The following NRG3 variants were observed in gnomAD, a reference collection of about 807,000 sequenced individuals.
The protein encoded by NRG3 is pro-neuregulin-3, membrane-bound isoform.
Under a neutral mutation model 66.9 loss-of-function variants are expected in NRG3, and 31 were observed. That is an observed-to-expected ratio of 0.46 (90% confidence interval 0.35 to 0.63). The LOEUF (loss-of-function observed/expected upper bound fraction) is 0.63, where lower values mean the gene tolerates loss of function less well. Ranked by LOEUF, NRG3 falls within the 20% of genes least tolerant of loss-of-function variation. NRG3 has a pLI of 0.00. For synonymous variants in NRG3, 393 were observed against 359.4 expected, an observed-to-expected ratio of 1.09 and a Z score of -1.06; for missense variants, 910 against 878.9, an observed-to-expected ratio of 1.04 and a Z score of -0.45.
intron 1 of NRG3, among the ~76,000 whole-genome samples, chr10:81,901,654 C>G (rs867653587): frequency 7.9e-5 from 12 of 152,164 alleles, no homozygotes; most frequent in Middle Eastern, 3.4e-3. Context: ...GGCAACAGAG[C>G]AAGACTCCAT....
intron 1 of NRG3, among the ~76,000 whole-genome samples, chr10:81,956,762 A>G (rs189124705): frequency 4.1e-4 from 62 of 152,204 alleles, no homozygotes; most frequent in African/African-American, 1.4e-3. Flanking sequence ...TCAAGTCCCT[A>G]TTTTACTTAA....
chr10:82,021,616 TAG>T (rs555533213), intron 1 of NRG3, among the ~76,000 whole-genome samples: 99 of 152,222 alleles, frequency 6.5e-4, no homozygotes, highest in Middle Eastern at 3.4e-3. Context: ...TCTGGAAGAA[TAG>T]AGAGTCTCAA....
chr10:82,926,656 C>T (rs532713444), intron 4 of NRG3, among the ~76,000 whole-genome samples: 2 of 152,274 alleles, frequency 1.3e-5, no homozygotes, highest in East Asian at 3.9e-4. Flanking sequence ...GTGTGTTAAG[C>T]TCATTTGATT....
chr10:82,762,644 A>T (rs531794502), intron 3 of NRG3, among the ~76,000 whole-genome samples: 24 of 152,318 alleles, frequency 1.6e-4, no homozygotes, highest in African/African-American at 5.3e-4. Context: ...ATTCTAAGGA[A>T]TGAATGAAAA....
intron 1 of NRG3, among the ~76,000 whole-genome samples, chr10:82,252,521 C>T (rs1245699998): frequency 1.3e-5 from 2 of 152,162 alleles, no homozygotes; most frequent in African/African-American, 4.8e-5. Context: ...GTATTTTTAG[C>T]ACTATATTAC....
rs531885066 is a variant in NRG3 at position 82,676,843 on chromosome 10, T to A, written c.954-61734T>A. The stretch of plus-strand genomic sequence containing the variant: ...TGATTTTTTTCTTTGAACGTTTTTT[T>A]TTCTATTGTAGTTTGGAGTTGCTTT... On this transcript the variant is annotated intron_variant, in intron 2 of 8. Transcript: ENST00000372141. Among the ~76,000 whole-genome samples the A allele has an allele frequency of 1.3e-4, 20 of 152,204 alleles. No homozygotes were observed. In the South Asian group the frequency reaches 4.1e-3, roughly 32 times the overall value.
chr10:82,519,018 G>GC (rs1845951458), intron 2 of NRG3, among the ~76,000 whole-genome samples: 1 of 152,250 alleles, frequency 6.6e-6, no homozygotes, highest in African/African-American at 2.4e-5. Flanking sequence ...TTCACCCCTG[G>GC]CCTGTGCAGC....
At chr10:82,612,587 T>C (rs2048382327) in intron 2 of NRG3, among the ~76,000 whole-genome samples, 1 of 152,196 alleles carries the variant, frequency 6.6e-6, no homozygotes, top group African/African-American at 2.4e-5. Context: ...TCAAAATTGA[T>C]ATCCATGAAT....
rs372837935 is a variant in NRG3, at chr10:82,742,800, A to G, written c.1027+4150A>G. On this transcript the variant is annotated intron_variant, in intron 3 of 8. Coordinates refer to ENST00000372141, the MANE Select transcript of NRG3 (RefSeq NM_001010848.4). ...CCTGCCCTGGTTTTCCTTCCTTACT[A>G]CCCATTCCCACCCAGGGTAGTTACC... Among the ~76,000 whole-genome samples the G allele has an allele frequency of 5.3e-5, 8 of 151,962 alleles. No individual in the cohort carries two copies. The East Asian group carries it at 9.7e-4, about 19-fold the overall frequency.
At chr10:82,909,890 G>A (rs565018584) in intron 4 of NRG3, among the ~76,000 whole-genome samples, 1 of 152,350 alleles carries the variant, frequency 6.6e-6, no homozygotes, top group South Asian at 2.1e-4. Context: ...AGAAGTGTAT[G>A]ATGGTAGAAT....
chr10:82,395,684 A>G (rs1050000212), intron 2 of NRG3, among the ~76,000 whole-genome samples: 5 of 151,982 alleles, frequency 3.3e-5, no homozygotes, highest in East Asian at 1.9e-4. Context: ...TCCATTCATC[A>G]TCCATCCACT....
intron 2 of NRG3, among the ~76,000 whole-genome samples, chr10:82,627,705 G>T (rs1241497948): frequency 6.6e-6 from 1 of 151,970 alleles, no homozygotes; most frequent in Non-Finnish European, 1.5e-5. Context: ...GGTGCCAAAT[G>T]GACTCTCACA....
intron 1 of NRG3, among the ~76,000 whole-genome samples, chr10:82,227,044 C>A (rs2076198816): frequency 6.6e-6 from 1 of 152,268 alleles, no homozygotes; most frequent in South Asian, 2.1e-4. Context: ...CTAAGAGTCA[C>A]ATGTTGGCGG....
intron 2 of NRG3, among the ~76,000 whole-genome samples, chr10:82,482,265 G>A (rs1221973467): frequency 3.9e-5 from 6 of 152,014 alleles, no homozygotes; most frequent in African/African-American, 1.5e-4. Flanking sequence ...TATGAGCATT[G>A]AGCACACTTA....
At chr10:82,128,211 C>G (rs1334547748) in intron 1 of NRG3, among the ~76,000 whole-genome samples, 1 of 151,766 alleles carries the variant, frequency 6.6e-6, no homozygotes, top group African/African-American at 2.4e-5. Context: ...AATAATGCAC[C>G]ATCACTTAAG....
chr10:82,474,983 A>G (rs1329232057), intron 2 of NRG3, among the ~76,000 whole-genome samples: 1 of 149,280 alleles, frequency 6.7e-6, no homozygotes, highest in Non-Finnish European at 1.5e-5. Context: ...GTGCCGAAAG[A>G]AAAAAAAAAG....
intron 2 of NRG3, among the ~76,000 whole-genome samples, chr10:82,581,746 T>G (rs1368052538): frequency 6.6e-6 from 1 of 152,068 alleles, no homozygotes; most frequent in Non-Finnish European, 1.5e-5. Flanking sequence ...AAATTTTGTG[T>G]TATGTGTATT....
At chr10:82,694,366 T>G (rs565191050) in intron 2 of NRG3, among the ~76,000 whole-genome samples, 11 of 152,312 alleles carry the variant, frequency 7.2e-5, no homozygotes, top group Admixed American at 5.9e-4. Flanking sequence ...TGGGGGAACT[T>G]TTAAAAATTT....
Position 81,963,153 on chromosome 10 carries a change from A to G in NRG3, c.823+86990A>G, listed in dbSNP as rs1268384123. Reference sequence around the variant, plus strand: ...TTTTTTTTTTTTTTTTTTTTTTTTGAGACGGAGTCTCGCTCTGTCGCCCAG... The same window carrying G: ...TTTTTTTTTTTTTTTTTTTTTTTTGGGACGGAGTCTCGCTCTGTCGCCCAG... On this transcript the variant is annotated intron_variant, in intron 1 of 8. Transcript: ENST00000372141. Among the ~76,000 whole-genome samples the G allele has an allele frequency of 2.6e-4, 5 of 19,368 alleles. No homozygotes were observed. The East Asian group carries it at 0.016, about 63-fold the overall frequency. The allele number at this position is 19,368 out of a possible 152,430, so 12.7% of individuals were successfully genotyped here.
Sources: allele counts gnomAD v4.1 joint callset (sites outside exome capture counted in the v4.1 genomes callset), GRCh38; gene constraint gnomAD v4.1.1; transcripts MANE v1.5; gene names NCBI Gene and HGNC (gene_info 2026-07-23, HGNC 2026-07-21).